The following SPATA12 variants were observed in gnomAD, a reference collection of about 807,000 sequenced individuals.
SPATA12 encodes spermatogenesis-associated protein 12.
For missense variants in SPATA12, 219 were observed against 226.4 expected, an observed-to-expected ratio of 0.97 and a Z score of 0.21; for synonymous variants, 85 against 89.2, an observed-to-expected ratio of 0.95 and a Z score of 0.26.
chr3:57,067,529 T>C (rs1385363658), intron 1 of SPATA12, among the ~76,000 whole-genome samples: 1 of 149,776 alleles, frequency 6.7e-6, no homozygotes, highest in East Asian at 2.0e-4. Context: ...ATAGTAGATA[T>C]ATTTGTTTTC....
intron 1 of SPATA12, among the ~76,000 whole-genome samples, chr3:57,061,086 T>C (rs1705198094): frequency 1.3e-5 from 2 of 152,116 alleles, no homozygotes; most frequent in South Asian, 4.1e-4. Flanking sequence ...CAGAACTTTG[T>C]TGTCATTCTA....
Position 57,074,352 on chromosome 3 carries a change from A to T in SPATA12, c.*85A>T. 1 of 1,242,712 alleles carries T rather than the reference A, an allele frequency of 8.0e-7. No homozygotes were observed. 77.0% of individuals were successfully genotyped at this position (1,242,712 alleles called of 1,614,324 possible). A position where few individuals can be genotyped will look rare whatever the true frequency, so the allele number is the denominator to read the frequency against. On this transcript the variant is annotated 3_prime_UTR_variant, in exon 2 of 2. Transcript: ENST00000334325. ...TGCTATGCCCTCCCTTCCATCCCCC[A>T]CCCCCACCAGGGGTGACTCGTAGCC...
Position 57,074,100 on chromosome 3 carries a change from G to A in SPATA12, c.406G>A (p.Asp136Asn). The change falls in exon 2 of 2, where the codon GAT becomes AAT. Residue 136 changes from aspartate to asparagine, a missense_variant. Transcript: ENST00000334325. ...TPQFLGMEDG[D>N]NERTTGWLWR... ...TCAATTTCTTGGTATGGAAGATGGGGATAATGAGAGGACCACAGGATGGTT... is the reference window on the plus strand; with the variant it reads ...TCAATTTCTTGGTATGGAAGATGGGAATAATGAGAGGACCACAGGATGGTT... 1.9e-6 allele frequency: 3 copies of A among 1,613,954 alleles called. No individual in the cohort carries two copies. The highest frequency in any genetic ancestry group is 2.2e-5 in the East Asian group (1 of 44,876).
chr3:57,062,321 C>T (rs1043277508), intron 1 of SPATA12, among the ~76,000 whole-genome samples: 63 of 152,278 alleles, frequency 4.1e-4, no homozygotes, highest in African/African-American at 1.4e-3. Flanking sequence ...CCTGAGGAAG[C>T]CCACAGCCTG....
chr3:57,067,074 G>A (rs1705580484), intron 1 of SPATA12, among the ~76,000 whole-genome samples: 1 of 152,206 alleles, frequency 6.6e-6, no homozygotes, highest in Non-Finnish European at 1.5e-5. Flanking sequence ...GTAAGGACCT[G>A]TACTTGCATG....
At chr3:57,067,827 A>AAG (rs1705645934) in intron 1 of SPATA12, among the ~76,000 whole-genome samples, 1 of 150,422 alleles carries the variant, frequency 6.6e-6, no homozygotes, top group Non-Finnish European at 1.5e-5. Context: ...AAAAAAAAAA[A>AAG]CAAAACAAAA....
rs1362543689 is a variant in SPATA12 at position 57,074,007 on chromosome 3, C to T, written c.313C>T (p.Pro105Ser). The T allele has an allele frequency of 6.2e-7, 1 of 1,614,206 alleles. No individual in the cohort carries two copies. The highest frequency in any genetic ancestry group is 1.1e-5 in the South Asian group (1 of 91,084). Residue 105 changes from proline (P) to serine (S), a missense_variant, in exon 2 of 2, where the codon CCC becomes TCC. Pro to Ser is a moderately conservative substitution (Grantham distance 74, BLOSUM62 -1). Coordinates refer to ENST00000334325, the MANE Select transcript of SPATA12 (RefSeq NM_181727.2). ...ATCCCAAATAAATCTTCTGGGAAGA[C>T]CCTCTTCACCTCCAGCTCTCCTGAT... is the stretch of plus-strand genomic sequence containing the variant. ...AVSQINLLGR[P>S]SSPPALLIQQ...
rs144824658 is a variant in SPATA12, at chr3:57,069,858, G to A, written c.-329-3508G>A. On this transcript the variant is annotated intron_variant, in intron 1 of 1. Coordinates refer to ENST00000334325, the MANE Select transcript of SPATA12 (RefSeq NM_181727.2). ...TAGAGTCTCGCTTTGCTGCCCAGGC[G>A]GGTCTCAAACTCCTAGCCTGAGGCA... 2.5e-3 allele frequency among the ~76,000 whole-genome samples: 382 copies of A among 152,146 alleles called. 3 individuals carry two copies. The highest frequency in any genetic ancestry group is 4.1e-3 in the Non-Finnish European group (278 of 68,014).
chr3:57,068,919 A>ATTTTTTTTTTT (rs35984791), intron 1 of SPATA12, among the ~76,000 whole-genome samples: 1 of 138,270 alleles, frequency 7.2e-6, no homozygotes, highest in Non-Finnish European at 1.6e-5. Context: ...AAAAGATCTG[A>ATTTTTTTTTTT]TTTTTTTTTT....
chr3:57,070,503 G>C (rs771440857), intron 1 of SPATA12, among the ~76,000 whole-genome samples: 8 of 152,180 alleles, frequency 5.3e-5, no homozygotes, highest in Non-Finnish European at 1.0e-4. Flanking sequence ...CAGCAAAAAG[G>C]AATTTAGGTT....
chr3:57,074,435 TC>T lies in SPATA12; in HGVS notation c.*172del. 1 of 624,212 alleles carries T rather than the reference TC, an allele frequency of 1.6e-6. No homozygotes were observed. Among genetic ancestry groups the T allele is most frequent in the East Asian group, 2.7e-5 (1 of 36,368 alleles). 38.7% of individuals were successfully genotyped at this position (624,212 alleles called of 1,614,324 possible). ...TTCCAAGAAGCCTCCCTGTCACACTTCCCCAATATCACAGATGAAGAAATCA... is the reference window on the plus strand; with the variant it reads ...TTCCAAGAAGCCTCCCTGTCACACTTCCCAATATCACAGATGAAGAAATCA... On this transcript the variant is annotated 3_prime_UTR_variant, in exon 2 of 2. Transcript: ENST00000334325.
At chr3:57,066,945 T>C (rs899927607) in intron 1 of SPATA12, among the ~76,000 whole-genome samples, 28 of 152,250 alleles carry the variant, frequency 1.8e-4, no homozygotes, top group African/African-American at 6.3e-4. Flanking sequence ...AGCCAATTCC[T>C]AAAAATCAAC....
In SPATA12 at chr3:57,073,759, A is replaced by T; in HGVS notation, c.65A>T (p.Lys22Met). 1 of 1,614,184 alleles carries T rather than the reference A, an allele frequency of 6.2e-7. No homozygotes were observed. The change falls in exon 2 of 2, where the codon AAG (lysine) becomes ATG (methionine). Residue 22 changes from lysine to methionine, a missense_variant. By Grantham distance (95) the Lys-to-Met change is moderately conservative (BLOSUM62 -1). Transcript: ENST00000334325. ...LEKSGDTWEM[K>M]ALDSSRLVPW... is the part of the protein sequence containing the mutation. The stretch of plus-strand genomic sequence containing the variant: ...AAGTCAGGAGACACCTGGGAAATGA[A>T]GGCACTAGACTCTTCCAGACTCGTT...
At chr3:57,072,366 G>A (rs746087478) in intron 1 of SPATA12, among the ~76,000 whole-genome samples, 12 of 151,812 alleles carry the variant, frequency 7.9e-5, no homozygotes, top group Non-Finnish European at 1.6e-4. Flanking sequence ...AAATGTATAC[G>A]GTCAAAGAAA....
chr3:57,073,335 T>C (rs540806321), intron 1 of SPATA12, 31 bp from the exon 2 acceptor site: 3 of 206,018 alleles, frequency 1.5e-5, no homozygotes, highest in African/African-American at 4.6e-5. Flanking sequence ...TCAATAAGAA[T>C]ATAATCAGGA....
chr3:57,069,635 G>A (rs1705771327), intron 1 of SPATA12, among the ~76,000 whole-genome samples: 1 of 116,236 alleles, frequency 8.6e-6, no homozygotes, highest in South Asian at 3.0e-4. Flanking sequence ...TACATGTCAG[G>A]GTGTAAACTA....
chr3:57,063,214 G>A lies in SPATA12; in HGVS notation c.-330+2428G>A, dbSNP rs1208671208. On this transcript the variant is annotated intron_variant, in intron 1 of 1. Coordinates refer to ENST00000334325, the MANE Select transcript of SPATA12 (RefSeq NM_181727.2). ...CATGGAGGTGATGTGGCTAGAGTGC[G>A]GTTATGAGGGGGAAGGGCAAACTAA... 5.3e-5 allele frequency among the ~76,000 whole-genome samples: 8 copies of A among 152,308 alleles called. No individual in the cohort carries two copies. In the South Asian group the frequency reaches 8.3e-4, roughly 16 times the overall value.
chr3:57,061,916 G>A (rs1237827483), intron 1 of SPATA12, among the ~76,000 whole-genome samples: 1 of 152,202 alleles, frequency 6.6e-6, no homozygotes, highest in Non-Finnish European at 1.5e-5. Flanking sequence ...CATAGGTTCA[G>A]ATTTAAATTG....
intron 1 of SPATA12, among the ~76,000 whole-genome samples, chr3:57,063,079 G>A (rs1189768132): frequency 1.3e-5 from 2 of 152,212 alleles, no homozygotes. Context: ...CGATGACCAG[G>A]GAAGGCTGAA....
Sources: allele counts gnomAD v4.1 joint callset (sites outside exome capture counted in the v4.1 genomes callset), GRCh38; gene constraint gnomAD v4.1.1; transcripts MANE v1.5; gene names NCBI Gene and HGNC (gene_info 2026-07-23, HGNC 2026-07-21).